Variants in PITRM1 observed in about 807,000 individuals in gnomAD.
The protein encoded by PITRM1 is pitrilysin metallopeptidase 1.
In PITRM1, 100 loss-of-function variants were observed where a neutral mutation model predicts 129.9. The ratio of observed to expected loss-of-function variants is 0.77; its 90% CI spans 0.65 to 0.91. The LOEUF is 0.91. PITRM1 is among the 40% of genes least tolerant of loss of function. PITRM1 has a pLI of 0.00. For synonymous variants in PITRM1, 591 were observed against 508.8 expected, an observed-to-expected ratio of 1.16 and a Z score of -2.17; for missense variants, 1,471 against 1,318.3, an observed-to-expected ratio of 1.12 and a Z score of -1.79.
chr10:3,144,423 T>C (rs1588641727), intron 21 of PITRM1, 57 bp from the exon 22 acceptor site: 3 of 1,009,188 alleles, frequency 3.0e-6, no homozygotes, highest in Non-Finnish European at 4.5e-6. Context: ...TTGAAATATA[T>C]AAGAAGTAAC....
At chr10:3,141,212 G>A (rs1356678329) in intron 23 of PITRM1, among the ~76,000 whole-genome samples, 4 of 152,210 alleles carry the variant, frequency 2.6e-5, no homozygotes, top group Non-Finnish European at 4.4e-5. Context: ...GAGCTTACAG[G>A]CATGAGATTT....
chr10:3,171,504 T>C (rs1004485107), intron 1 of PITRM1, among the ~76,000 whole-genome samples: 1 of 152,090 alleles, frequency 6.6e-6, no homozygotes, highest in African/African-American at 2.4e-5. Context: ...AGTGCAGCGG[T>C]GCAATCTCGA....
At chr10:3,170,248 G>T (rs1843224725) in intron 1 of PITRM1, 42 bp from the exon 2 acceptor site, 2 of 1,434,804 alleles carry the variant, frequency 1.4e-6, no homozygotes, top group Non-Finnish European at 2.0e-6. Context: ...TGCAGGAAAA[G>T]TATCTGGCTA....
At chr10:3,157,361 A>G (rs906634182) in intron 12 of PITRM1, 74 bp downstream of exon 12, 2 of 861,418 alleles carry the variant, frequency 2.3e-6, no homozygotes, top group Non-Finnish European at 3.6e-6. Flanking sequence ...AAAATATCAA[A>G]AAGCCAGTTA....
chr10:3,167,259 T>C (rs575585076), intron 2 of PITRM1, among the ~76,000 whole-genome samples: 1 of 136,006 alleles, frequency 7.4e-6, no homozygotes, highest in Non-Finnish European at 1.6e-5. Flanking sequence ...TGAGAATATG[T>C]GTGTGTGTGT....
At position 3,158,944 on chromosome 10, in the gene PITRM1, C is replaced by T. The variant is rs200082240; in HGVS notation, c.1106G>A (p.Gly369Asp). 6.4e-5 allele frequency: 103 copies of T among 1,613,414 alleles called. No homozygotes were observed. The African/African-American group carries it at 1.3e-3, about 20-fold the overall frequency. ...SPFYKALIES[G>D]LGTDFSPDVG... ...ATCAGGAGAAAAGTCTGTGCCAAGGCCAGATTCAATCAAGGCTTTGTAAAA... is the reference window on the plus strand; with the variant it reads ...ATCAGGAGAAAAGTCTGTGCCAAGGTCAGATTCAATCAAGGCTTTGTAAAA... Residue 369 changes from glycine (G) to aspartate (D), a missense_variant, in exon 10 of 27, where the codon GGC (glycine) becomes GAC (aspartate). By Grantham distance (94) the Gly-to-Asp change is moderately conservative. Coordinates refer to ENST00000224949, the MANE Select transcript of PITRM1 (RefSeq NM_014889.4).
intron 2 of PITRM1, among the ~76,000 whole-genome samples, chr10:3,168,284 T>G (rs1301574334): frequency 1.3e-5 from 2 of 152,274 alleles, no homozygotes; most frequent in Non-Finnish European, 2.9e-5. Context: ...AAGCTCACTG[T>G]ACTTTGTAAC....
intron 7 of PITRM1, 48 bp from the exon 8 acceptor site, chr10:3,160,378 T>G: frequency 6.9e-7 from 1 of 1,445,798 alleles, no homozygotes; most frequent in Non-Finnish European, 9.7e-7. Context: ...TTAAAAGATG[T>G]GAGATCAAGT....
At chr10:3,160,766 GT>G (rs35527214) in intron 7 of PITRM1, among the ~76,000 whole-genome samples, 18 of 148,178 alleles carry the variant, frequency 1.2e-4, no homozygotes, top group South Asian at 2.1e-4. Flanking sequence ...TTGGTGGGGG[GT>G]TTTTTTTTTT....
At chr10:3,158,625 G>A (rs1842168996) in intron 10 of PITRM1, among the ~76,000 whole-genome samples, 1 of 152,196 alleles carries the variant, frequency 6.6e-6, no homozygotes. Flanking sequence ...TGGAAAAGCT[G>A]TCTTTGTGCT....
intron 14 of PITRM1, among the ~76,000 whole-genome samples, chr10:3,153,593 T>C (rs745867082): frequency 9.3e-5 from 14 of 151,286 alleles, no homozygotes; most frequent in Non-Finnish European, 1.9e-4. Flanking sequence ...CACTCCAGCC[T>C]GGGTGACAAG....
Position 3,140,687 on chromosome 10 carries a change from C to T in PITRM1, c.2771G>A (p.Arg924Lys). The change falls in exon 24 of 27, where the codon AGG becomes AAG. Residue 924 changes from arginine (R) to lysine (K), a missense_variant and splice_region_variant. Physicochemically the swap from Arg to Lys is conservative, Grantham distance 26. Transcript: ENST00000224949. The part of the protein sequence containing the change: ...HNGIFTLYSY[R>K]DPNTIETLQS... ...ATGTGTGAACTAGAGCAAAACTCAC[C>T]TGTAAGAGTAAAGGGTGAAAATCCC... 6.3e-7 allele frequency: 1 copy of T among 1,598,160 alleles called. No individual in the cohort carries two copies. The highest frequency in any genetic ancestry group is 1.1e-5 in the South Asian group (1 of 88,006).
Position 3,165,306 on chromosome 10 carries a change from T to C in PITRM1, c.562A>G (p.Asn188Asp). 2 of 1,591,086 alleles carry C rather than the reference T, an allele frequency of 1.3e-6. No individual in the cohort carries two copies. The highest frequency in any genetic ancestry group is 1.7e-6 in the Non-Finnish European group (2 of 1,168,882). The change falls in exon 6 of 27, where the codon AAT becomes GAT. Residue 188 changes from asparagine to aspartate, a missense_variant. Transcript: ENST00000224949. ...AAGGGCGTCTGGGGGTCGCTCGGAT[T>C]CTCATGTTCCAGCCGCCATCCTTCC... ...WQEGWRLEHE[N>D]PSDPQTPLVF...
At chr10:3,162,691 C>T (rs575707692) in intron 7 of PITRM1, among the ~76,000 whole-genome samples, 1 of 152,354 alleles carries the variant, frequency 6.6e-6, no homozygotes, top group African/African-American at 2.4e-5. Context: ...GTCTTTGGAT[C>T]TAAGTTCCAG....
In PITRM1 at chr10:3,151,323, G is replaced by T; in HGVS notation, c.1662C>A (p.Ala554=). The part of the protein sequence containing the change: ...LRSQQSKPQD[A]SCLPALKVSD... ...AAACTTTCAACGCTGGCAGACAAGAGGCATCTTGAGGTTTGCTTTGTTGAC... is the reference window on the plus strand; with the variant it reads ...AAACTTTCAACGCTGGCAGACAAGATGCATCTTGAGGTTTGCTTTGTTGAC... Residue 554 remains alanine, a synonymous_variant, in exon 15 of 27, where the codon GCC becomes GCA. Transcript: ENST00000224949. 1 of 1,611,096 alleles carries T rather than the reference G, an allele frequency of 6.2e-7. No homozygotes were observed. Among genetic ancestry groups the T allele is most frequent in the Non-Finnish European group, 8.5e-7 (1 of 1,178,594 alleles).
intron 23 of PITRM1, among the ~76,000 whole-genome samples, chr10:3,142,391 C>T (rs1469849517): frequency 6.6e-6 from 1 of 152,244 alleles, no homozygotes; most frequent in Non-Finnish European, 1.5e-5. Context: ...CCTAAGCCTG[C>T]CTTCCCCCTC....
chr10:3,138,289 T>C lies in PITRM1; in HGVS notation c.2966A>G (p.His989Arg). 1 of 1,613,890 alleles carries C rather than the reference T, an allele frequency of 6.2e-7. No individual in the cohort carries two copies. Among genetic ancestry groups the C allele is most frequent in the Non-Finnish European group, 8.5e-7 (1 of 1,179,806 alleles). ...YGLSDEMKQAHREQLFAVSHD... is the reference protein window; with the variant it reads ...YGLSDEMKQARREQLFAVSHD... The stretch of plus-strand genomic sequence containing the variant: ...GCTGACAGCAAAGAGCTGCTCTCTG[T>C]GGGCCTGCTTCATCTCATCCGAGAG... Residue 989 changes from histidine (H) to arginine (R), a missense_variant, in exon 26 of 27, where the codon CAC (histidine) becomes CGC (arginine). By Grantham distance (29) the His-to-Arg change is conservative. Coordinates refer to ENST00000224949, the MANE Select transcript of PITRM1 (RefSeq NM_014889.4).
intron 3 of PITRM1, 139 bp downstream of exon 3, chr10:3,166,797 G>A (rs1842902126): frequency 3.6e-6 from 2 of 562,000 alleles, no homozygotes; most frequent in Non-Finnish European, 6.3e-6. Flanking sequence ...CTCATCAGCT[G>A]TCCTTAGTGT....
intron 15 of PITRM1, among the ~76,000 whole-genome samples, chr10:3,150,421 AAAAT>A (rs1841400774): frequency 6.6e-6 from 1 of 152,142 alleles, no homozygotes. Context: ...CACACACATG[AAAAT>A]AAATGAGATA....
Sources: allele counts gnomAD v4.1 joint callset (sites outside exome capture counted in the v4.1 genomes callset), GRCh38; gene constraint gnomAD v4.1.1; transcripts MANE v1.5; gene names NCBI Gene and HGNC (gene_info 2026-07-23, HGNC 2026-07-21).